Variants in CCDC126 observed in about 807,000 individuals in gnomAD.
CCDC126 encodes the protein coiled-coil domain containing 126.
CCDC126 carries 5 observed loss-of-function variants against 11.7 expected under a neutral mutation model. That is an observed-to-expected ratio of 0.43 (90% confidence interval 0.22 to 0.90). CCDC126 has a LOEUF of 0.90. Ranked by LOEUF, CCDC126 falls within the 40% of genes least tolerant of loss-of-function variation. CCDC126 has a pLI of 0.27. For missense variants in CCDC126, 150 were observed against 163.1 expected, an observed-to-expected ratio of 0.92 and a Z score of 0.44; for synonymous variants, 60 against 61.9, an observed-to-expected ratio of 0.97 and a Z score of 0.14.
At chr7:23,613,070 G>T (rs950241803) in intron 3 of CCDC126, among the ~76,000 whole-genome samples, 3 of 152,156 alleles carry the variant, frequency 2.0e-5, no homozygotes, top group Admixed American at 6.6e-5. Flanking sequence ...CAGCATTTTG[G>T]GAGGCTGAGG....
intron 3 of CCDC126, among the ~76,000 whole-genome samples, chr7:23,620,043 C>T (rs1177599813): frequency 2.6e-5 from 4 of 152,096 alleles, no homozygotes; most frequent in Non-Finnish European, 4.4e-5. Flanking sequence ...AATAAACATA[C>T]GTGTGCGTGT....
chr7:23,636,249 A>C (rs1172124014), intron 3 of CCDC126, among the ~76,000 whole-genome samples: 1 of 152,134 alleles, frequency 6.6e-6, no homozygotes, highest in Non-Finnish European at 1.5e-5. Flanking sequence ...GGCCCCCCAA[A>C]GTGCCGAGAT....
At chr7:23,637,115 G>A (rs1389236440) in intron 3 of CCDC126, among the ~76,000 whole-genome samples, 29 of 62,126 alleles carry the variant, frequency 4.7e-4, no homozygotes, top group South Asian at 7.0e-4. Flanking sequence ...CGCCCCGTCC[G>A]GGAGGTGAGG....
intron 3 of CCDC126, among the ~76,000 whole-genome samples, chr7:23,636,238 T>G (rs1231867453): frequency 6.6e-6 from 1 of 152,172 alleles, no homozygotes; most frequent in Non-Finnish European, 1.5e-5. Flanking sequence ...CCGCCTGCCT[T>G]GGCCCCCCAA....
chr7:23,599,484 A>C (rs1295613091), intron 2 of CCDC126, among the ~76,000 whole-genome samples: 1 of 151,776 alleles, frequency 6.6e-6, no homozygotes, highest in Non-Finnish European at 1.5e-5. Flanking sequence ...GTGTCTATGT[A>C]TATGTATATA....
intron 2 of CCDC126, among the ~76,000 whole-genome samples, chr7:23,606,082 C>T (rs962457615): frequency 1.1e-4 from 16 of 151,336 alleles, no homozygotes; most frequent in South Asian, 2.1e-4. Flanking sequence ...TTTTTGAGAC[C>T]GAGTCTTGCT....
chr7:23,616,298 C>T (rs1782794469), intron 3 of CCDC126, among the ~76,000 whole-genome samples: 1 of 152,164 alleles, frequency 6.6e-6, no homozygotes, highest in East Asian at 1.9e-4. Context: ...TCTAGGATTG[C>T]AGCAGTGAAT....
intron 3 of CCDC126, among the ~76,000 whole-genome samples, chr7:23,638,183 C>T (rs1266731255): frequency 6.6e-6 from 1 of 151,832 alleles, no homozygotes; most frequent in Non-Finnish European, 1.5e-5. Context: ...TGAGGAGCCC[C>T]TCTGCCCGGC....
At position 23,630,747 on chromosome 7, in the gene CCDC126, AGTC is replaced by A. The variant is rs1178442775; in HGVS notation, c.239-12183_239-12181del. Among the ~76,000 whole-genome samples, 244 of 139,002 alleles carry A rather than the reference AGTC, an allele frequency of 1.8e-3. 2 individuals are homozygous for A. The highest frequency in any genetic ancestry group is 3.2e-3 in the Non-Finnish European group (203 of 63,408). The allele number at this position is 139,002 out of a possible 152,430, so 91.2% of individuals were successfully genotyped here. On this transcript the variant is annotated intron_variant, in intron 3 of 3. Transcript: ENST00000307471. ...AAAAAAAAAAAAAAAAAAAAAAAAA[AGTC>A]CATAGAATATTTACCAAAGTAGACC...
intron 3 of CCDC126, chr7:23,622,764 A>G: frequency 2.0e-6 from 1 of 507,538 alleles, no homozygotes; most frequent in Non-Finnish European, 3.9e-6. Context: ...TGTCATGTAC[A>G]TTTCTAACCA....
chr7:23,623,416 G>A (rs1390124080), intron 3 of CCDC126, among the ~76,000 whole-genome samples: 1 of 151,982 alleles, frequency 6.6e-6, no homozygotes, highest in African/African-American at 2.4e-5. Flanking sequence ...CGACAACATG[G>A]CGAAACCCCA....
chr7:23,613,299 T>C (rs1417282609), intron 3 of CCDC126, among the ~76,000 whole-genome samples: 1 of 151,734 alleles, frequency 6.6e-6, no homozygotes, highest in African/African-American at 2.4e-5. Flanking sequence ...GGTGACAGAG[T>C]GAGACCCTGT....
intron 3 of CCDC126, among the ~76,000 whole-genome samples, chr7:23,639,247 A>G (rs1275338230): frequency 4.1e-5 from 6 of 145,870 alleles, no homozygotes; most frequent in South Asian, 2.1e-4. Context: ...GCTGGAGTGC[A>G]GTGGCACGAT....
chr7:23,623,488 G>A (rs1475450937), intron 3 of CCDC126, among the ~76,000 whole-genome samples: 2 of 151,748 alleles, frequency 1.3e-5, no homozygotes, highest in African/African-American at 4.8e-5. Flanking sequence ...CCCTGCTGCT[G>A]TGGAGGCTGA....
intron 3 of CCDC126, among the ~76,000 whole-genome samples, chr7:23,636,325 G>T (rs1363793749): frequency 7.4e-5 from 11 of 148,536 alleles, no homozygotes; most frequent in African/African-American, 2.7e-4. Context: ...GCCCCCCATC[G>T]TCTGGGATAT....
At chr7:23,615,750 G>C (rs1470749324) in intron 3 of CCDC126, among the ~76,000 whole-genome samples, 2 of 152,200 alleles carry the variant, frequency 1.3e-5, no homozygotes, top group African/African-American at 4.8e-5. Context: ...ACAGAGGAAA[G>C]GCCATTGGAT....
rs564948156 is a variant in CCDC126, at chr7:23,621,462, C to G, written c.238+9909C>G. Among the ~76,000 whole-genome samples the G allele has an allele frequency of 1.9e-3, 289 of 152,184 alleles. 2 individuals carry two copies. The highest frequency in any genetic ancestry group is 0.012 in the South Asian group (60 of 4,818). ...GAGACTTTGCTGAAGTTGCTTATCA[C>G]CTTAAGGAGATTTTGGGCTGAGATG... On this transcript the variant is annotated intron_variant, in intron 3 of 3. Transcript: ENST00000307471.
chr7:23,598,221 C>T (rs530203660), intron 2 of CCDC126, 170 bp downstream of exon 2: 1 of 152,304 alleles, frequency 6.6e-6, no homozygotes, highest in Non-Finnish European at 1.5e-5. Context: ...AAACACACAC[C>T]TGTAAGTGGT....
chr7:23,635,191 A>G (rs1234513925), intron 3 of CCDC126, among the ~76,000 whole-genome samples: 1 of 152,250 alleles, frequency 6.6e-6, no homozygotes, highest in African/African-American at 2.4e-5. Flanking sequence ...GATGCCACCT[A>G]CCAAACATGT....
Sources: allele counts gnomAD v4.1 joint callset (sites outside exome capture counted in the v4.1 genomes callset), GRCh38; gene constraint gnomAD v4.1.1; transcripts MANE v1.5; gene names NCBI Gene and HGNC (gene_info 2026-07-23, HGNC 2026-07-21).